Variants in COL4A4 observed in about 807,000 individuals in gnomAD.
COL4A4 encodes collagen type IV alpha 4 chain.
A neutral mutation model predicts 192.9 loss-of-function variants in COL4A4; 105 were observed. The ratio of observed to expected loss-of-function variants is 0.54; its 90% CI spans 0.46 to 0.64. COL4A4 has a LOEUF of 0.64. COL4A4 is among the 30% of genes least tolerant of loss of function. The pLI is 0.00. For missense variants in COL4A4, 1,967 were observed against 2,169.3 expected, an observed-to-expected ratio of 0.91 and a Z score of 1.85; for synonymous variants, 762 against 769.9, an observed-to-expected ratio of 0.99 and a Z score of 0.17.
At chr2:227,099,544 G>A (rs544113168) in intron 18 of COL4A4, 76 bp downstream of exon 18, 3 of 1,329,194 alleles carry the variant, frequency 2.3e-6, no homozygotes, top group Non-Finnish European at 3.3e-6. Flanking sequence ...GGAAATACTG[G>A]GCCAGACTCT....
rs780277266 is a variant in COL4A4 at position 227,077,886 on chromosome 2, A to G, written c.1987+8T>C. ...CTATTGAAATAAATAAAATTTTTTTAAAATTACCTTTCTGACCCTTCAAGC... is the reference window on the plus strand; with the variant it reads ...CTATTGAAATAAATAAAATTTTTTTGAAATTACCTTTCTGACCCTTCAAGC... On this transcript the variant is annotated splice_region_variant and intron_variant, in intron 25 of 47. Coordinates refer to ENST00000396625, the MANE Select transcript of COL4A4 (RefSeq NM_000092.5). 6.2e-7 allele frequency: 1 copy of G among 1,610,364 alleles called. No individual in the cohort carries two copies. The highest frequency in any genetic ancestry group is 8.5e-7 in the Non-Finnish European group (1 of 1,179,090).
the COL4A4 span, among the ~76,000 whole-genome samples, chr2:226,985,585 C>T: frequency 2.0e-5 from 3 of 152,182 alleles, no homozygotes; most frequent in East Asian, 5.8e-4. Flanking sequence ...AAGAAAAATC[C>T]GAGCTGTAGC....
At chr2:227,153,431 A>G (rs1313209273) in intron 1 of COL4A4, among the ~76,000 whole-genome samples, 1 of 152,244 alleles carries the variant, frequency 6.6e-6, no homozygotes, top group East Asian at 1.9e-4. Flanking sequence ...CAGTTGTGTC[A>G]GAGCCCCACC....
intron 44 of COL4A4, among the ~76,000 whole-genome samples, chr2:227,012,591 A>G (rs1963987564): frequency 2.9e-5 from 4 of 139,534 alleles, no homozygotes; most frequent in African/African-American, 5.4e-5. Flanking sequence ...GTTGAGAGAC[A>G]GGTTTTCACA....
intron 14 of COL4A4, 111 bp downstream of exon 14, chr2:227,103,033 G>A (rs2060611185): frequency 1.8e-6 from 2 of 1,114,474 alleles, no homozygotes; most frequent in Non-Finnish European, 2.7e-6. Flanking sequence ...GAAAAATTCT[G>A]GTAATATATA....
intron 37 of COL4A4, among the ~76,000 whole-genome samples, chr2:227,041,866 GAA>G (rs1161666024): frequency 1.5e-5 from 2 of 130,034 alleles, no homozygotes; most frequent in African/African-American, 3.2e-5. Context: ...AAGAAAGAAA[GAA>G]AGAAAGAAAG....
intron 7 of COL4A4, among the ~76,000 whole-genome samples, chr2:227,115,438 T>A (rs2061441523): frequency 7.0e-6 from 1 of 141,898 alleles, no homozygotes; most frequent in African/African-American, 3.1e-5. Flanking sequence ...GCCTGGCTAA[T>A]TTTTTTGTAT....
chr2:227,095,452 G>A (rs2060161514), intron 19 of COL4A4, among the ~76,000 whole-genome samples: 1 of 152,182 alleles, frequency 6.6e-6, no homozygotes, highest in Non-Finnish European at 1.5e-5. Context: ...AATAATCCAT[G>A]TAAGAAGCTT....
rs752688851 is a variant in COL4A4 at position 227,062,601 on chromosome 2, G to A, written c.1988-3C>T. On this transcript the variant is annotated splice_polypyrimidine_tract_variant and splice_region_variant and intron_variant, in intron 25 of 47. Transcript: ENST00000396625. ...TACGTTGCAAGAAATTGTGTCACCT[G>A]CAATGAGAAAAGAAAAGCGGCATTC... is the stretch of plus-strand genomic sequence containing the variant. The A allele has an allele frequency of 3.5e-5, 57 of 1,610,566 alleles. No homozygotes were observed. The highest frequency in any genetic ancestry group is 4.4e-5 in the Non-Finnish European group (52 of 1,177,020).
chr2:227,070,723 G>T (rs2058666904), intron 25 of COL4A4, among the ~76,000 whole-genome samples: 1 of 118,816 alleles, frequency 8.4e-6, no homozygotes, highest in African/African-American at 3.2e-5. Context: ...CTGTTGTGGG[G>T]TGGGGGGAGG....
Position 227,060,120 on chromosome 2 carries a change from A to AAAAAAAAAAAAAC in COL4A4, c.2164+15_2164+16insGTTTTTTTTTTTT. The stretch of plus-strand genomic sequence containing the variant: ...AAAGCAGAAAAAAAAAAAAAAAAAA[A>AAAAAAAAAAAAAC]AAAAACCTCACTGACCAGGTGGACC... On this transcript the variant is annotated intron_variant, in intron 27 of 47. Coordinates refer to ENST00000396625, the MANE Select transcript of COL4A4 (RefSeq NM_000092.5). 7.1e-6 allele frequency: 10 copies of AAAAAAAAAAAAAC among 1,403,910 alleles called. No individual in the cohort carries two copies. The highest frequency in any genetic ancestry group is 2.3e-5 in the East Asian group (1 of 43,956). The allele number at this position is 1,403,910 out of a possible 1,614,324, so 87.0% of individuals were successfully genotyped here.
intron 9 of COL4A4, chr2:227,109,625 T>G: frequency 2.5e-6 from 1 of 393,424 alleles, no homozygotes; most frequent in Non-Finnish European, 4.9e-6. Flanking sequence ...CAGGCGCCTG[T>G]AGTCCCAGCT....
rs376488253 is a variant in COL4A4 at position 227,008,314 on chromosome 2, G to T, written c.4523-10C>A. The T allele has an allele frequency of 1.7e-5, 28 of 1,613,982 alleles. No homozygotes were observed. Among genetic ancestry groups the T allele is most frequent in the Non-Finnish European group, 2.3e-5 (27 of 1,179,850 alleles). ...CAAGACCCTGCCAGACCTTGGGAAG[G>T]GAAGAAGAGACAGCTGGTGTCCAAG... On this transcript the variant is annotated splice_polypyrimidine_tract_variant and intron_variant, in intron 46 of 47. Coordinates refer to ENST00000396625, the MANE Select transcript of COL4A4 (RefSeq NM_000092.5).
intron 1 of COL4A4, among the ~76,000 whole-genome samples, chr2:227,156,138 C>T (rs2064322714): frequency 6.6e-6 from 1 of 151,964 alleles, no homozygotes; most frequent in East Asian, 1.9e-4. Context: ...GTGGCTCACA[C>T]CTGCAATCCC....
At chr2:227,045,939 ATATG>A (rs1166424438) in intron 35 of COL4A4, among the ~76,000 whole-genome samples, 2 of 93,940 alleles carry the variant, frequency 2.1e-5, no homozygotes, top group East Asian at 2.7e-4. Flanking sequence ...ATATATGTAT[ATATG>A]TATATATGTA....
chr2:227,139,655 A>G (rs946920563), intron 4 of COL4A4, among the ~76,000 whole-genome samples: 1 of 152,234 alleles, frequency 6.6e-6, no homozygotes, highest in Non-Finnish European at 1.5e-5. Flanking sequence ...GTCAATGAGC[A>G]GAAGCATTTT....
At chr2:227,017,914 C>T (rs1413780993) in intron 44 of COL4A4, among the ~76,000 whole-genome samples, 1 of 151,998 alleles carries the variant, frequency 6.6e-6, no homozygotes, top group African/African-American at 2.4e-5. Flanking sequence ...GAATTAAGCC[C>T]AGTACTCAGT....
intron 6 of COL4A4, 56 bp from the exon 7 acceptor site, chr2:227,118,817 G>A (rs202164227): frequency 1.8e-6 from 2 of 1,081,418 alleles, no homozygotes; most frequent in East Asian, 2.4e-5. Flanking sequence ...ATTACATAAA[G>A]GTTATGCAAT....
At chr2:227,055,193 T>C (rs1405063851) in intron 30 of COL4A4, among the ~76,000 whole-genome samples, 1 of 152,040 alleles carries the variant, frequency 6.6e-6, no homozygotes, top group African/African-American at 2.4e-5. Context: ...GTATTCAAAG[T>C]AAACAATTGC....
Sources: gnomAD v4.1 joint callset for allele counts (sites outside exome capture counted in the v4.1 genomes callset) on GRCh38, gnomAD v4.1.1 for gene constraint, MANE v1.5 for transcripts, NCBI Gene and HGNC (gene_info 2026-07-23, HGNC 2026-07-21) for gene names.